Variants in RNF13 observed in about 807,000 individuals in gnomAD.
The protein encoded by RNF13 is E3 ubiquitin-protein ligase RNF13.
RNF13 carries 19 observed loss-of-function variants against 37.7 expected under a neutral mutation model. That is an observed-to-expected ratio of 0.50 (90% CI 0.35 to 0.74). RNF13 has a LOEUF of 0.74. RNF13 is among the 30% of genes least tolerant of loss of function. The pLI, the probability that RNF13 is intolerant of heterozygous loss-of-function variation, is 0.01. For synonymous variants in RNF13, 144 were observed against 157.8 expected (o/e 0.91, Z 0.65); for missense variants, 375 against 453.0 (o/e 0.83, Z 1.56).
intron 9 of RNF13, 37 bp from the exon 10 acceptor site, chr3:149,960,703 A>G (rs912348556): frequency 6.4e-7 from 1 of 1,553,434 alleles, no homozygotes; most frequent in Non-Finnish European, 8.7e-7. Context: ...TATCAACCGC[A>G]GCATACTAAC....
intron 3 of RNF13, among the ~76,000 whole-genome samples, chr3:149,858,582 G>C (rs1372765031): frequency 6.6e-6 from 1 of 152,138 alleles, no homozygotes; most frequent in Non-Finnish European, 1.5e-5. Context: ...CACAGCTTTT[G>C]GGCTAGATTT....
chr3:149,901,567 C>G (rs1715844044), intron 5 of RNF13, among the ~76,000 whole-genome samples: 1 of 152,182 alleles, frequency 6.6e-6, no homozygotes, highest in African/African-American at 2.4e-5. Flanking sequence ...CTTTCTCAAC[C>G]CCTGTCAGCC....
intron 3 of RNF13, among the ~76,000 whole-genome samples, chr3:149,860,103 C>A (rs1724060850): frequency 6.6e-6 from 1 of 151,204 alleles, no homozygotes; most frequent in African/African-American, 2.4e-5. Flanking sequence ...CCCATCTCTA[C>A]TAAAAATACA....
Position 149,938,735 on chromosome 3 carries a change from T to C in RNF13, c.700+17508T>C, listed in dbSNP as rs1719957493. 2.6e-5 allele frequency among the ~76,000 whole-genome samples: 4 copies of C among 152,240 alleles called. No homozygotes were observed. In the South Asian group the frequency reaches 8.3e-4, roughly 32 times the overall value. ...TATTTTTGCCTCCCCACCATTTCCA[T>C]GTCTGACCACCACTACTACTATGTC... On this transcript the variant is annotated intron_variant, in intron 8 of 9. Coordinates refer to ENST00000392894, the MANE Select transcript of RNF13 (RefSeq NM_183381.3).
chr3:149,953,627 A>G (rs1490950542), intron 8 of RNF13, among the ~76,000 whole-genome samples: 1 of 152,210 alleles, frequency 6.6e-6, no homozygotes. Context: ...AAAATTCTAC[A>G]TACATAACCT....
intron 4 of RNF13, among the ~76,000 whole-genome samples, chr3:149,876,194 T>C (rs554324439): frequency 1.1e-4 from 17 of 152,342 alleles, no homozygotes; most frequent in African/African-American, 3.8e-4. Context: ...GTATTTTAGC[T>C]GGACTTTAGC....
chr3:149,960,283 G>T, intron 9 of RNF13, 147 bp downstream of exon 9: 1 of 597,764 alleles, frequency 1.7e-6, no homozygotes. Flanking sequence ...GGATGGAGGT[G>T]TATTTATAAA....
At chr3:149,859,539 AT>A (rs1724005835) in intron 3 of RNF13, among the ~76,000 whole-genome samples, 1 of 152,092 alleles carries the variant, frequency 6.6e-6, no homozygotes, top group Non-Finnish European at 1.5e-5. Flanking sequence ...CAGGTTTTTG[AT>A]TTCATAAATC....
At chr3:149,943,395 A>G (rs1468451403) in intron 8 of RNF13, among the ~76,000 whole-genome samples, 19 of 152,094 alleles carry the variant, frequency 1.2e-4, no homozygotes, top group Admixed American at 1.2e-3. Flanking sequence ...AATGTACATG[A>G]ACATATCATT....
intron 4 of RNF13, among the ~76,000 whole-genome samples, chr3:149,881,134 T>C (rs1713349512): frequency 6.6e-6 from 1 of 152,218 alleles, no homozygotes; most frequent in African/African-American, 2.4e-5. Context: ...AATGCAGATT[T>C]AGGCCAATCT....
chr3:149,960,202 G>A, intron 9 of RNF13, 66 bp downstream of exon 9: 2 of 1,109,960 alleles, frequency 1.8e-6, no homozygotes, highest in Non-Finnish European at 2.7e-6. Context: ...CCATATTCCA[G>A]GGGAAGAGAT....
At chr3:149,818,810 CT>C (rs1389896014) in intron 1 of RNF13, among the ~76,000 whole-genome samples, 1 of 152,082 alleles carries the variant, frequency 6.6e-6, no homozygotes, top group East Asian at 1.9e-4. Context: ...ACTTGAGAGG[CT>C]GAGGCAGGAG....
intron 4 of RNF13, among the ~76,000 whole-genome samples, chr3:149,889,919 C>T (rs1249263654): frequency 6.6e-6 from 1 of 152,170 alleles, no homozygotes; most frequent in Non-Finnish European, 1.5e-5. Context: ...TCGTGATCTG[C>T]CCGCCTCAGC....
intron 8 of RNF13, among the ~76,000 whole-genome samples, chr3:149,924,596 G>A (rs906564816): frequency 6.6e-6 from 1 of 152,224 alleles, no homozygotes; most frequent in Non-Finnish European, 1.5e-5. Flanking sequence ...ACATAAGTAA[G>A]ATGAGAGCTC....
intron 8 of RNF13, among the ~76,000 whole-genome samples, chr3:149,942,089 G>C (rs1239793573): frequency 6.6e-6 from 1 of 151,852 alleles, no homozygotes; most frequent in East Asian, 1.9e-4. Context: ...CTTTATTCTA[G>C]TACCATACCA....
At chr3:149,934,463 T>G (rs995590250) in intron 8 of RNF13, among the ~76,000 whole-genome samples, 1 of 152,094 alleles carries the variant, frequency 6.6e-6, no homozygotes, top group African/African-American at 2.4e-5. Context: ...TTTTCTCCTT[T>G]TTGATGGAGG....
At chr3:149,932,127 T>C (rs564318847) in intron 8 of RNF13, among the ~76,000 whole-genome samples, 1 of 152,352 alleles carries the variant, frequency 6.6e-6, no homozygotes, top group East Asian at 1.9e-4. Flanking sequence ...CTATTGTGAA[T>C]AGTGCTGCAG....
At position 149,911,232 on chromosome 3, in the gene RNF13, G is replaced by A. The variant is rs148113850; in HGVS notation, c.501-746G>A. Among the ~76,000 whole-genome samples, 811 of 152,250 alleles carry A rather than the reference G, an allele frequency of 5.3e-3. 2 individuals are homozygous for A. The highest frequency in any genetic ancestry group is 8.2e-3 in the Non-Finnish European group (561 of 68,014). The stretch of plus-strand genomic sequence containing the variant: ...CAGTATAATTTTTATCAATACTGAC[G>A]CTAGAGTTTTTCCATAGGAAGAACT... On this transcript the variant is annotated intron_variant, in intron 6 of 9. Transcript: ENST00000392894.
intron 4 of RNF13, among the ~76,000 whole-genome samples, chr3:149,884,133 G>A (rs1220114492): frequency 6.6e-6 from 1 of 152,126 alleles, no homozygotes; most frequent in Admixed American, 6.6e-5. Flanking sequence ...CCGTATCTTT[G>A]TTGTGAATAG....
Sources: gnomAD v4.1 joint callset for allele counts (sites outside exome capture counted in the v4.1 genomes callset) on GRCh38, gnomAD v4.1.1 for gene constraint, MANE v1.5 for transcripts, NCBI Gene and HGNC (gene_info 2026-07-23, HGNC 2026-07-21) for gene names.